Variants in EPHA7 observed in about 807,000 individuals in gnomAD.
The protein encoded by EPHA7 is ephrin type-A receptor 7.
A neutral mutation model predicts 112.6 loss-of-function variants in EPHA7; 25 were observed. The ratio of observed to expected loss-of-function variants is 0.22; its 90% CI spans 0.16 to 0.31. EPHA7 has a LOEUF of 0.31. EPHA7 is among the 10% of genes least tolerant of loss of function. EPHA7 has a pLI of 1.00. For synonymous variants in EPHA7, 437 were observed against 406.5 expected, an observed-to-expected ratio of 1.07 and a Z score of -0.90; for missense variants, 962 against 1,212.6, an observed-to-expected ratio of 0.79 and a Z score of 3.07.
intron 3 of EPHA7, among the ~76,000 whole-genome samples, chr6:93,361,080 T>C (rs771821420): frequency 7.9e-5 from 12 of 152,110 alleles, no homozygotes; most frequent in Non-Finnish European, 1.6e-4. Context: ...ATTAAACAGA[T>C]ATTGTCAATT....
chr6:93,278,729 T>C (rs1771587900), intron 5 of EPHA7, among the ~76,000 whole-genome samples: 1 of 151,902 alleles, frequency 6.6e-6, no homozygotes. Flanking sequence ...TGTTGTTGTG[T>C]GTGTGTGTGT....
chr6:93,342,473 C>T (rs1775188256), intron 5 of EPHA7, among the ~76,000 whole-genome samples: 1 of 151,660 alleles, frequency 6.6e-6, no homozygotes, highest in African/African-American at 2.4e-5. Context: ...TAAAAAATGA[C>T]AAGTGATGAA....
At chr6:93,257,115 G>A (rs867916145) in intron 12 of EPHA7, among the ~76,000 whole-genome samples, 1 of 151,996 alleles carries the variant, frequency 6.6e-6, no homozygotes, top group South Asian at 2.1e-4. Context: ...ACACAGAATG[G>A]TTATCTCACC....
chr6:93,256,591 A>G (rs1364546143), intron 12 of EPHA7, among the ~76,000 whole-genome samples: 1 of 152,082 alleles, frequency 6.6e-6, no homozygotes, highest in Non-Finnish European at 1.5e-5. Flanking sequence ...TACTTGTAAC[A>G]AGGATTCTCT....
At chr6:93,328,780 T>C (rs1234542877) in intron 5 of EPHA7, among the ~76,000 whole-genome samples, 1 of 151,434 alleles carries the variant, frequency 6.6e-6, no homozygotes, top group Non-Finnish European at 1.5e-5. Context: ...TAAGCACATA[T>C]CTTAAATAAT....
chr6:93,249,799 C>T (rs1770125531), intron 14 of EPHA7, among the ~76,000 whole-genome samples: 1 of 152,114 alleles, frequency 6.6e-6, no homozygotes, highest in Admixed American at 6.5e-5. Flanking sequence ...GCCCTCTTGA[C>T]ATAATACTTT....
intron 7 of EPHA7, among the ~76,000 whole-genome samples, chr6:93,264,949 T>C (rs1380371808): frequency 6.6e-6 from 1 of 151,696 alleles, no homozygotes; most frequent in Admixed American, 6.6e-5. Context: ...TGAATGATTA[T>C]ATTCCTGCTT....
intron 3 of EPHA7, among the ~76,000 whole-genome samples, chr6:93,393,826 A>AT (rs1778026192): frequency 6.6e-6 from 1 of 151,734 alleles, no homozygotes; most frequent in South Asian, 2.1e-4. Flanking sequence ...GCCAAATCAT[A>AT]TTTTTCCCCT....
intron 2 of EPHA7, among the ~76,000 whole-genome samples, chr6:93,413,634 G>T (rs1779083808): frequency 6.6e-6 from 1 of 151,800 alleles, no homozygotes; most frequent in African/African-American, 2.4e-5. Flanking sequence ...TAAAATGGTT[G>T]TCATTGATTT....
chr6:93,331,105 A>T (rs1774570729), intron 5 of EPHA7, among the ~76,000 whole-genome samples: 1 of 151,500 alleles, frequency 6.6e-6, no homozygotes, highest in Non-Finnish European at 1.5e-5. Flanking sequence ...TGCAGATGCC[A>T]AATTGTAAAA....
intron 5 of EPHA7, among the ~76,000 whole-genome samples, chr6:93,333,715 G>A (rs1190961553): frequency 6.6e-6 from 1 of 151,706 alleles, no homozygotes; most frequent in African/African-American, 2.4e-5. Flanking sequence ...CTTTGTAATA[G>A]GATTGTTTAA....
At chr6:93,262,909 T>A (rs1770754943) in intron 9 of EPHA7, among the ~76,000 whole-genome samples, 1 of 151,226 alleles carries the variant, frequency 6.6e-6, no homozygotes, top group South Asian at 2.1e-4. Flanking sequence ...TCTTATGACT[T>A]TAGGATGGGT....
chr6:93,356,503 A>C (rs1775954566), intron 5 of EPHA7, among the ~76,000 whole-genome samples: 1 of 152,052 alleles, frequency 6.6e-6, no homozygotes, highest in African/African-American at 2.4e-5. Context: ...GCGCCTGGCC[A>C]ATTTTATCTC....
rs996847747 is a variant in EPHA7 at position 93,343,259 on chromosome 6, C to T, written c.1324+13458G>A. 1.8e-4 allele frequency among the ~76,000 whole-genome samples: 27 copies of T among 151,524 alleles called. 1 individual carries two copies. The highest frequency in any genetic ancestry group is 1.6e-3 in the Admixed American group (24 of 15,152). Reference sequence around the variant, plus strand: ...TCAAATTTTTATAATCACTTACATGCAATTTAAATAATAACTGCAGATGTT... The same window carrying T: ...TCAAATTTTTATAATCACTTACATGTAATTTAAATAATAACTGCAGATGTT... On this transcript the variant is annotated intron_variant, in intron 5 of 16. Coordinates refer to ENST00000369303, the MANE Select transcript of EPHA7 (RefSeq NM_004440.4).
intron 3 of EPHA7, among the ~76,000 whole-genome samples, chr6:93,374,567 G>A (rs1776959747): frequency 6.6e-6 from 1 of 152,126 alleles, no homozygotes. Flanking sequence ...TATATTTATA[G>A]TCATTGTAAT....
rs946160133 is a variant in EPHA7 at position 93,259,424 on chromosome 6, A to G, written c.1854T>C (p.Asn618=). ...YIDPETYEDP[N]RAVHQFAKEL... Reference sequence around the variant, plus strand: ...CCTTGGCGAATTGATGGACAGCTCTATTTGGGTCCTCATAGGTTTCAGGGT... The same window carrying G: ...CCTTGGCGAATTGATGGACAGCTCTGTTTGGGTCCTCATAGGTTTCAGGGT... The change falls in exon 10 of 17, where the codon AAT becomes AAC. Residue 618 remains asparagine (N), a synonymous_variant. Transcript: ENST00000369303. The G allele has an allele frequency of 3.7e-6, 6 of 1,612,136 alleles. No individual in the cohort carries two copies. The highest frequency in any genetic ancestry group is 4.2e-6 in the Non-Finnish European group (5 of 1,178,564).
At chr6:93,348,375 G>A (rs1364794722) in intron 5 of EPHA7, among the ~76,000 whole-genome samples, 2 of 151,768 alleles carry the variant, frequency 1.3e-5, no homozygotes, top group African/African-American at 4.8e-5. Flanking sequence ...ATGAAAAGCT[G>A]ATATTATGTT....
chr6:93,258,361 T>A, intron 10 of EPHA7, 77 bp from the exon 11 acceptor site: 2 of 1,319,422 alleles, frequency 1.5e-6, no homozygotes, highest in Non-Finnish European at 2.1e-6. Flanking sequence ...TGCGTTGAAT[T>A]ATTTTTCTTT....
rs150835767 is a variant in EPHA7 at position 93,329,517 on chromosome 6, T to C, written c.1324+27200A>G. On this transcript the variant is annotated intron_variant, in intron 5 of 16. Transcript: ENST00000369303. ...CACCTAATAAAGAACATGAGTGCTA[T>C]GCCATGAACTGTGTATGAATCCTGA... Among the ~76,000 whole-genome samples, 747 of 151,416 alleles carry C rather than the reference T, an allele frequency of 4.9e-3. 12 individuals are homozygous for C. The highest frequency in any genetic ancestry group is 0.017 in the African/African-American group (720 of 41,472).
Sources: gnomAD v4.1 joint callset for allele counts (sites outside exome capture counted in the v4.1 genomes callset) on GRCh38, gnomAD v4.1.1 for gene constraint, MANE v1.5 for transcripts, NCBI Gene and HGNC (gene_info 2026-07-23, HGNC 2026-07-21) for gene names.